HCK: variants seen among roughly 807,000 people sequenced by gnomAD.
The protein encoded by HCK is tyrosine-protein kinase HCK.
Under a neutral mutation model 70.4 loss-of-function variants are expected in HCK, and 40 were observed. The observed-to-expected ratio is 0.57, with a 90% CI of 0.44 to 0.74. The LOEUF is 0.74. HCK is among the 30% of genes least tolerant of loss of function. HCK has a pLI of 0.00. For missense variants in HCK, 568 were observed against 697.2 expected, an observed-to-expected ratio of 0.81 and a Z score of 2.09; for synonymous variants, 245 against 263.2, an observed-to-expected ratio of 0.93 and a Z score of 0.67.
chr20:32,101,200 G>C (rs898184708), intron 12 of HCK, 117 bp from the exon 13 acceptor site: 2 of 832,746 alleles, frequency 2.4e-6, no homozygotes, highest in Admixed American at 4.5e-5. Flanking sequence ...AGTGGAAGGG[G>C]CTCAGCTTGC....
At chr20:32,073,124 T>C (rs1033818969) in intron 2 of HCK, among the ~76,000 whole-genome samples, 195 bp from the exon 3 acceptor site, 4 of 152,166 alleles carry the variant, frequency 2.6e-5, no homozygotes, top group Non-Finnish European at 5.9e-5. Flanking sequence ...ACAAAAAATC[T>C]GGACCATTTT....
At chr20:32,083,733 G>A (rs1262386884) in intron 6 of HCK, among the ~76,000 whole-genome samples, 161 bp from the exon 7 acceptor site, 1 of 152,218 alleles carries the variant, frequency 6.6e-6, no homozygotes, top group Non-Finnish European at 1.5e-5. Context: ...CTGGATGAGA[G>A]CCCAGGATGC....
intron 11 of HCK, among the ~76,000 whole-genome samples, chr20:32,094,791 AAGAAAGAAAGAAAG>A (rs2045925349): frequency 4.6e-5 from 1 of 21,710 alleles, no homozygotes; most frequent in African/African-American, 9.8e-5. Flanking sequence ...GAGAAAGAGA[AAGAAAGAAAGAAAG>A]AAAGAAAGAA....
chr20:32,071,696 G>C lies in HCK; in HGVS notation c.97G>C (p.Gly33Arg). 6.2e-7 allele frequency: 1 copy of C among 1,614,150 alleles called. No individual in the cohort carries two copies. The highest frequency in any genetic ancestry group is 8.5e-7 in the Non-Finnish European group (1 of 1,180,014). The stretch of plus-strand genomic sequence containing the variant: ...CATGAAGTCCAAGTTCCTCCAGGTC[G>C]GAGGCAATACATTCTCAAAAACTGA... Residue 33 changes from glycine (G) to arginine (R), a missense_variant, in exon 2 of 13, where the codon GGA (glycine) becomes CGA (arginine). This residue lies in a region of HCK where 318 missense variants were observed against 336.0 expected (regional missense o/e 0.95). Coordinates refer to ENST00000375852, the MANE Select transcript of HCK (RefSeq NM_002110.5).
chr20:32,060,248 T>G (rs2045348439), intron 1 of HCK, among the ~76,000 whole-genome samples: 1 of 152,194 alleles, frequency 6.6e-6, no homozygotes, highest in South Asian at 2.1e-4. Context: ...TGAGACAGGA[T>G]CTCACTCTGT....
At chr20:32,095,775 G>T (rs2045946135) in intron 11 of HCK, among the ~76,000 whole-genome samples, 1 of 152,172 alleles carries the variant, frequency 6.6e-6, no homozygotes, top group African/African-American at 2.4e-5. Context: ...TCTCGATAAA[G>T]CTGTTAAAGA....
At chr20:32,081,903 C>T (rs2122567936) in intron 6 of HCK, among the ~76,000 whole-genome samples, 1 of 152,326 alleles carries the variant, frequency 6.6e-6, no homozygotes, top group Non-Finnish European at 1.5e-5. Context: ...TCACAGCTCT[C>T]TGAGATGGGG....
intron 1 of HCK, among the ~76,000 whole-genome samples, chr20:32,064,471 T>C (rs1352707415): frequency 2.6e-5 from 4 of 152,226 alleles, no homozygotes; most frequent in African/African-American, 9.6e-5. Flanking sequence ...ATGGATTCTA[T>C]GCAGGAAAGA....
intron 11 of HCK, among the ~76,000 whole-genome samples, chr20:32,094,439 G>A (rs1454583782): frequency 6.6e-6 from 1 of 152,052 alleles, no homozygotes; most frequent in Non-Finnish European, 1.5e-5. Flanking sequence ...CAGCACTTTA[G>A]GAGGCCAAGA....
intron 12 of HCK, among the ~76,000 whole-genome samples, chr20:32,100,024 C>G (rs190303223): frequency 6.6e-6 from 1 of 151,802 alleles, no homozygotes; most frequent in African/African-American, 2.4e-5. Context: ...TTCAGCCTCC[C>G]GAGTATCTGG....
chr20:32,094,264 C>T (rs2045903616), intron 11 of HCK, among the ~76,000 whole-genome samples: 1 of 151,970 alleles, frequency 6.6e-6, no homozygotes, highest in Non-Finnish European at 1.5e-5. Flanking sequence ...AAATATATGT[C>T]GAAATTAAGG....
At chr20:32,065,566 G>A (rs2045443174) in intron 1 of HCK, among the ~76,000 whole-genome samples, 1 of 152,160 alleles carries the variant, frequency 6.6e-6, no homozygotes, top group Admixed American at 6.5e-5. Context: ...TGATGATGTT[G>A]AGGTGGCCTC....
chr20:32,094,834 AAAGAAAGAAAGAAAG>A (rs1471640603), intron 11 of HCK, among the ~76,000 whole-genome samples: 1 of 129,918 alleles, frequency 7.7e-6, no homozygotes, highest in Non-Finnish European at 1.7e-5. Flanking sequence ...AGAAAGAAAG[AAAGAAAGAAAGAAAG>A]AAAAGAAAGA....
chr20:32,087,922 G>A (rs1270114477), intron 9 of HCK, among the ~76,000 whole-genome samples: 3 of 152,146 alleles, frequency 2.0e-5, no homozygotes, highest in South Asian at 2.1e-4. Context: ...AATTACAGGC[G>A]TGAGCAACTG....
chr20:32,094,764 G>GAGA (rs1569009967), intron 11 of HCK, among the ~76,000 whole-genome samples: 33 of 68,430 alleles, frequency 4.8e-4, no homozygotes, highest in African/African-American at 7.4e-4. Context: ...AAAGAAAGAA[G>GAGA]GAAAGAAAGA....
At chr20:32,074,201 G>A (rs1434342315) in intron 4 of HCK, among the ~76,000 whole-genome samples, 1 of 152,118 alleles carries the variant, frequency 6.6e-6, no homozygotes, top group African/African-American at 2.4e-5. Flanking sequence ...TGGGTATAGT[G>A]TCCAGGATGT....
chr20:32,065,583 C>A (rs2045443535), intron 1 of HCK, among the ~76,000 whole-genome samples: 1 of 152,196 alleles, frequency 6.6e-6, no homozygotes, highest in African/African-American at 2.4e-5. Flanking sequence ...CCTCCAAGAA[C>A]TCCAGGTTCC....
intron 5 of HCK, among the ~76,000 whole-genome samples, chr20:32,077,820 G>A (rs1047250046): frequency 9.3e-5 from 14 of 151,252 alleles, no homozygotes; most frequent in South Asian, 2.1e-4. Context: ...CACTGCTCCC[G>A]GACACCTCCT....
At chr20:32,071,572 G>T in intron 1 of HCK, 90 bp from the exon 2 acceptor site, 2 of 1,537,444 alleles carry the variant, frequency 1.3e-6, no homozygotes, top group Non-Finnish European at 1.8e-6. Flanking sequence ...AGCCAGCCCG[G>T]GGGCAGGGGA....
Sources: allele counts gnomAD v4.1 joint callset (sites outside exome capture counted in the v4.1 genomes callset), GRCh38; gene constraint gnomAD v4.1.1; regional missense constraint gnomAD v4.1.1; transcripts MANE v1.5; gene names NCBI Gene and HGNC (gene_info 2026-07-23, HGNC 2026-07-21).